SH3YL1: variants seen among roughly 807,000 people sequenced by gnomAD.
SH3YL1 encodes the protein SH3 and SYLF domain containing 1.
SH3YL1 carries 41 observed loss-of-function variants against 45.8 expected under a neutral mutation model. That is an observed-to-expected ratio of 0.89 (90% CI 0.70 to 1.16). The LOEUF is 1.16. Ranked by LOEUF, SH3YL1 falls within the 50% of genes most tolerant of loss-of-function variation. The pLI, the probability that SH3YL1 is intolerant of heterozygous loss-of-function variation, is 0.00. For missense variants in SH3YL1, 389 were observed against 409.6 expected (o/e 0.95, Z 0.43); for synonymous variants, 152 against 151.4 (o/e 1.00, Z -0.03).
chr2:244,660 G>A (rs954536035), intron 4 of SH3YL1: 4 of 152,130 alleles, frequency 2.6e-5, no homozygotes, highest in African/African-American at 9.7e-5. Flanking sequence ...TGCTTGAAAG[G>A]AAAACCCTGT....
chr2:231,831 A>G (rs1013926143), intron 6 of SH3YL1, among the ~76,000 whole-genome samples: 3 of 152,210 alleles, frequency 2.0e-5, no homozygotes, highest in Non-Finnish European at 4.4e-5. Context: ...TTTTGATTTT[A>G]TAAGATGAAT....
At chr2:255,800 A>G (rs1306344571) in intron 1 of SH3YL1, 1 of 152,234 alleles carries the variant, frequency 6.6e-6, no homozygotes, top group African/African-American at 2.4e-5. Flanking sequence ...CAGATACTTT[A>G]TGCAAAATTA....
intron 4 of SH3YL1, chr2:240,742 C>T (rs1270919521): frequency 6.6e-6 from 1 of 152,252 alleles, no homozygotes; most frequent in South Asian, 2.1e-4. Flanking sequence ...TGGAGACAAA[C>T]AGCTTAACAG....
rs184609663 is a variant in SH3YL1 at position 242,715 on chromosome 2, C to T, written c.291+4823G>A. The T allele has an allele frequency of 5.0e-5, 71 of 1,415,316 alleles. No homozygotes were observed. The Admixed American group carries it at 1.3e-3, about 25-fold the overall frequency. The allele number at this position is 1,415,316 out of a possible 1,614,324, so 87.7% of individuals were successfully genotyped here. A position where few individuals can be genotyped will look rare whatever the true frequency, so the allele number is the denominator to read the frequency against. On this transcript the variant is annotated intron_variant, in intron 4 of 9. Transcript: ENST00000356150. Reference sequence around the variant, plus strand: ...CAAATAAAAAGGCAGAGATTATTAGCATGGATAAAACAACAATAACAACAA... The same window carrying T: ...CAAATAAAAAGGCAGAGATTATTAGTATGGATAAAACAACAATAACAACAA...
chr2:249,656 T>A, intron 3 of SH3YL1, 75 bp downstream of exon 3: 1 of 1,069,452 alleles, frequency 9.4e-7, no homozygotes, highest in African/African-American at 1.6e-5. Flanking sequence ...CTACTCGCTA[T>A]GCAATGTGTT....
intron 8 of SH3YL1, among the ~76,000 whole-genome samples, chr2:228,330 G>A (rs953315674): frequency 3.3e-5 from 5 of 152,212 alleles, no homozygotes; most frequent in African/African-American, 9.6e-5. Flanking sequence ...CACAGGCAAA[G>A]GGCCTGTTTT....
intron 9 of SH3YL1, among the ~76,000 whole-genome samples, chr2:223,492 A>G (rs1667663950): frequency 6.6e-6 from 1 of 152,188 alleles, no homozygotes; most frequent in Non-Finnish European, 1.5e-5. Flanking sequence ...ACCTAAGTCT[A>G]AGTCTAATCT....
At chr2:260,677 G>A (rs10188763) in intron 1 of SH3YL1, 45,553 of 152,108 alleles carry the variant, frequency 0.3, 7,502 homozygotes, top group East Asian at 0.59. Context: ...GGACTTCTTC[G>A]TCAAATGGAC....
intron 1 of SH3YL1, chr2:262,698 C>T: frequency 1.5e-6 from 2 of 1,298,300 alleles, no homozygotes; most frequent in Non-Finnish European, 2.0e-6. Flanking sequence ...CAGTTATTTC[C>T]CTTTGACTGC....
chr2:232,445 CT>C lies in SH3YL1; in HGVS notation c.533+655del, dbSNP rs11370759. ...GTATTACTAACTTATGTTTAAGTTT[CT>C]TTTTTTTTTAATATACTTTAAGTTC... On this transcript the variant is annotated intron_variant, in intron 6 of 9. Coordinates refer to ENST00000356150, the MANE Select transcript of SH3YL1 (RefSeq NM_015677.4). Among the ~76,000 whole-genome samples the C allele has an allele frequency of 2.0e-5, 3 of 148,868 alleles. No individual in the cohort carries two copies. The East Asian group carries it at 5.9e-4, about 29-fold the overall frequency.
intron 4 of SH3YL1, chr2:240,764 A>G (rs1373745414): frequency 1.3e-5 from 2 of 152,280 alleles, no homozygotes; most frequent in African/African-American, 4.8e-5. Context: ...CAGGTCACGG[A>G]CAGGGACAGT....
chr2:243,540 G>A, intron 4 of SH3YL1: 1 of 1,540,518 alleles, frequency 6.5e-7, no homozygotes, highest in Non-Finnish European at 8.7e-7. Context: ...ATGCTCAGAG[G>A]GAATATGTAG....
Position 218,931 on chromosome 2 carries a change from A to C in SH3YL1, c.909T>G (p.Asn303Lys). 2 of 1,614,128 alleles carry C rather than the reference A, an allele frequency of 1.2e-6. No homozygotes were observed. The highest frequency in any genetic ancestry group is 2.2e-5 in the South Asian group (2 of 91,076). The change falls in exon 10 of 10, where the codon AAT becomes AAG. Residue 303 changes from asparagine to lysine, a missense_variant. Transcript: ENST00000356150. The stretch of plus-strand genomic sequence containing the variant: ...CTGTGATTCTGTCTCCAGCTTGAAA[A>C]TTCAAATCCCCAGGCTGCTGTCCTT... ...SFEGQQPGDLNFQAGDRITVI... is the reference protein window; with the variant it reads ...SFEGQQPGDLKFQAGDRITVI...
At chr2:248,027 C>T (rs918702015) in intron 3 of SH3YL1, among the ~76,000 whole-genome samples, 4 of 152,152 alleles carry the variant, frequency 2.6e-5, no homozygotes, top group Admixed American at 1.3e-4. Context: ...GATTATCTAA[C>T]GGTAACATAA....
At chr2:252,432 G>A (rs1669109103) in intron 2 of SH3YL1, among the ~76,000 whole-genome samples, 1 of 152,114 alleles carries the variant, frequency 6.6e-6, no homozygotes, top group African/African-American at 2.4e-5. Context: ...GGTGTTTAGG[G>A]CGCTGGCACC....
chr2:264,030 G>A lies in SH3YL1; in HGVS notation c.-46C>T, dbSNP rs1669729312. The A allele has an allele frequency of 1.4e-6, 2 of 1,393,210 alleles. No individual in the cohort carries two copies. The highest frequency in any genetic ancestry group is 1.6e-5 in the South Asian group (1 of 62,978). 86.3% of individuals were successfully genotyped at this position (1,393,210 alleles called of 1,614,324 possible). On this transcript the variant is annotated 5_prime_UTR_variant, in exon 1 of 10. Coordinates refer to ENST00000356150, the MANE Select transcript of SH3YL1 (RefSeq NM_015677.4). The stretch of plus-strand genomic sequence containing the variant: ...GCCCCGTCCCGAGGCTGCCCAGGAA[G>A]AGGAAGGCGCGCTGCCCCGCCCCGC...
chr2:228,325 G>A (rs1467442746), intron 8 of SH3YL1, among the ~76,000 whole-genome samples: 1 of 152,220 alleles, frequency 6.6e-6, no homozygotes, highest in Non-Finnish European at 1.5e-5. Context: ...GCTGGCACAG[G>A]CAAAGGGCCT....
intron 6 of SH3YL1, among the ~76,000 whole-genome samples, chr2:232,284 T>C (rs1668081945): frequency 6.6e-6 from 1 of 151,986 alleles, no homozygotes; most frequent in African/African-American, 2.4e-5. Context: ...GCTCTCTATT[T>C]GACATGAGAA....
At chr2:219,930 G>A (rs926490804) in intron 9 of SH3YL1, among the ~76,000 whole-genome samples, 2 of 152,072 alleles carry the variant, frequency 1.3e-5, no homozygotes. Flanking sequence ...TCAATGCAAT[G>A]TGTATATCCA....
Sources: gnomAD v4.1 joint callset for allele counts (sites outside exome capture counted in the v4.1 genomes callset) on GRCh38, gnomAD v4.1.1 for gene constraint, MANE v1.5 for transcripts, NCBI Gene and HGNC (gene_info 2026-07-23, HGNC 2026-07-21) for gene names.